Variants in EHD2 observed in about 807,000 individuals in gnomAD.
EHD2 encodes EH domain-containing protein 2.
A neutral mutation model predicts 41.0 loss-of-function variants in EHD2; 27 were observed. That is an observed-to-expected ratio of 0.66 (90% CI 0.49 to 0.91). EHD2 has a LOEUF of 0.91. EHD2 is among the 40% of genes least tolerant of loss of function. EHD2 has a pLI of 0.00. For synonymous variants in EHD2, 342 were observed against 341.0 expected (o/e 1.00, Z -0.03); for missense variants, 673 against 773.9 (o/e 0.87, Z 1.55).
intron 3 of EHD2, among the ~76,000 whole-genome samples, chr19:47,723,394 G>T (rs1008643150): frequency 3.9e-5 from 6 of 152,154 alleles, no homozygotes; most frequent in Non-Finnish European, 8.8e-5. Context: ...GGGCTCAGTG[G>T]CTCATGCCTG....
At position 47,720,660 on chromosome 19, in the gene EHD2, T is replaced by C. The variant is rs192750266; in HGVS notation, c.502+2054T>C. 2.7e-3 allele frequency among the ~76,000 whole-genome samples: 416 copies of C among 152,160 alleles called. 1 individual carries two copies. The highest frequency in any genetic ancestry group is 9.3e-3 in the African/African-American group (388 of 41,514). ...TAGTGTGTATCATTGTAGGTGTGAG[T>C]CTGACATTGTGTGCCTGTGTGTGAG... On this transcript the variant is annotated intron_variant, in intron 3 of 5. Transcript: ENST00000263277.
chr19:47,737,121 C>G (rs1966932265), intron 5 of EHD2, among the ~76,000 whole-genome samples: 1 of 151,552 alleles, frequency 6.6e-6, no homozygotes, highest in South Asian at 2.1e-4. Flanking sequence ...GTCCCAGCTA[C>G]TCGGGAGGCT....
In EHD2 at chr19:47,736,499, C is replaced by A. The variant is rs1343100709; in HGVS notation, c.1046C>A (p.Ser349Tyr). Residue 349 changes from serine to tyrosine, a missense_variant, in exon 5 of 6, where the codon TCC becomes TAC. By Grantham distance (144) the Ser-to-Tyr change is moderately radical (BLOSUM62 -2). Coordinates refer to ENST00000263277, the MANE Select transcript of EHD2 (RefSeq NM_014601.4). Reference protein sequence around the residue: ...FAKIQLEHHISPGDFPDCQKM... With the variant: ...FAKIQLEHHIYPGDFPDCQKM... ...AAGATTCAGCTGGAACATCACATCT[C>A]CCCTGGGGACTTTCCTGATTGCCAG... 1 of 1,604,178 alleles carries A rather than the reference C, an allele frequency of 6.2e-7. No individual in the cohort carries two copies. The highest frequency in any genetic ancestry group is 2.3e-5 in the East Asian group (1 of 44,026).
chr19:47,715,109 A>G (rs1973612506), intron 1 of EHD2, among the ~76,000 whole-genome samples: 2 of 152,086 alleles, frequency 1.3e-5, no homozygotes. Flanking sequence ...CAAAGCAGGG[A>G]TGATAATAGA....
rs1041431636 is a variant in EHD2 at position 47,719,969 on chromosome 19, T to TGTGA, written c.502+1364_502+1365insTGAG. On this transcript the variant is annotated intron_variant, in intron 3 of 5. Coordinates refer to ENST00000263277, the MANE Select transcript of EHD2 (RefSeq NM_014601.4). The surrounding 1 kb of genome is among the most constrained non-coding windows in gnomAD (Gnocchi z 4.1). ...ATATGTGTGTGTGTGTGTGTGTGTG[T>TGTGA]GACTTTGTGTATATCTTGGGAAAGT... is the stretch of plus-strand genomic sequence containing the variant. Among the ~76,000 whole-genome samples, 4 of 112,962 alleles carry TGTGA rather than the reference T, an allele frequency of 3.5e-5. No individual in the cohort carries two copies. The highest frequency in any genetic ancestry group is 5.3e-5 in the Non-Finnish European group (3 of 56,224). The allele number at this position is 112,962 out of a possible 152,430, so 74.1% of individuals were successfully genotyped here.
At position 47,718,574 on chromosome 19, in the gene EHD2, T is replaced by C. The variant is rs756403204; in HGVS notation, c.470T>C (p.Ile157Thr). Residue 157 changes from isoleucine (I) to threonine (T), a missense_variant, in exon 3 of 6, where the codon ATC (isoleucine) becomes ACC (threonine). Ile to Thr is a moderately conservative substitution (Grantham distance 89). Coordinates refer to ENST00000263277, the MANE Select transcript of EHD2 (RefSeq NM_014601.4). ...ESISIIDTPG[I>T]LSGAKQRVSR... Reference sequence around the variant, plus strand: ...ATCAGCATCATCGACACCCCGGGTATCCTGTCGGGTGCCAAGCAGAGAGTG... The same window carrying C: ...ATCAGCATCATCGACACCCCGGGTACCCTGTCGGGTGCCAAGCAGAGAGTG... 1.5e-5 allele frequency: 24 copies of C among 1,578,538 alleles called. No homozygotes were observed. The highest frequency in any genetic ancestry group is 2.0e-5 in the Non-Finnish European group (23 of 1,161,914).
intron 2 of EHD2, among the ~76,000 whole-genome samples, chr19:47,717,803 G>A (rs1250807450): frequency 1.3e-5 from 2 of 151,370 alleles, no homozygotes; most frequent in Non-Finnish European, 2.9e-5. Flanking sequence ...AGCTACTCGG[G>A]AGGCTGAGGC....
intron 4 of EHD2, among the ~76,000 whole-genome samples, chr19:47,730,103 GC>G (rs1400902822): frequency 6.6e-6 from 1 of 152,010 alleles, no homozygotes; most frequent in African/African-American, 2.4e-5. Context: ...TGGTGCCCCC[GC>G]CGGGCTGGGG....
At chr19:47,727,073 C>G (rs1346855798) in intron 4 of EHD2, among the ~76,000 whole-genome samples, 1 of 152,130 alleles carries the variant, frequency 6.6e-6, no homozygotes, top group African/African-American at 2.4e-5. Flanking sequence ...TTTCCAAGTT[C>G]ATTGGTTTAT....
intron 3 of EHD2, among the ~76,000 whole-genome samples, chr19:47,722,234 C>T (rs777005221): frequency 4.6e-5 from 7 of 152,124 alleles, no homozygotes; most frequent in African/African-American, 1.7e-4. Flanking sequence ...CTTTTTGCCA[C>T]GTCTCCCATC....
intron 1 of EHD2, among the ~76,000 whole-genome samples, chr19:47,715,078 T>TAAATAAAAAAAA (rs1208918213): frequency 1.4e-5 from 2 of 139,752 alleles, no homozygotes; most frequent in Middle Eastern, 3.7e-3. Flanking sequence ...AATAAATAAA[T>TAAATAAAAAAAA]AAAAAGAAAG....
At chr19:47,726,350 C>T (rs1973752660) in intron 4 of EHD2, 126 bp downstream of exon 4, 3 of 1,201,944 alleles carry the variant, frequency 2.5e-6, no homozygotes, top group Non-Finnish European at 3.3e-6. Flanking sequence ...TTGGGTCATT[C>T]TGGCACAGAG....
At chr19:47,726,708 G>A (rs543104182) in intron 4 of EHD2, among the ~76,000 whole-genome samples, 1 of 151,200 alleles carries the variant, frequency 6.6e-6, no homozygotes, top group South Asian at 2.1e-4. Flanking sequence ...ATGGAGTCTC[G>A]CTCTCTTGCC....
At chr19:47,740,778 C>T (rs1463864294) in intron 5 of EHD2, 103 bp from the exon 6 acceptor site, 6 of 1,230,510 alleles carry the variant, frequency 4.9e-6, no homozygotes, top group Non-Finnish European at 6.6e-6. Flanking sequence ...AACCCCACAA[C>T]AGCTACCCCC....
chr19:47,742,002 C>T lies in EHD2; in HGVS notation c.*570C>T, dbSNP rs1041953100. On this transcript the variant is annotated 3_prime_UTR_variant, in exon 6 of 6. Transcript: ENST00000263277. The stretch of plus-strand genomic sequence containing the variant: ...CACCCTCAACCGGCTCCATCACATC[C>T]TCAGGTCTCGGGACCATGGGGGGCT... 1.5e-5 allele frequency: 7 copies of T among 454,758 alleles called. No individual in the cohort carries two copies. The highest frequency in any genetic ancestry group is 2.7e-5 in the Non-Finnish European group (6 of 226,374). The allele number at this position is 454,758 out of a possible 1,614,324, so 28.2% of individuals were successfully genotyped here.
At chr19:47,721,205 TCATGTGTGTGGCTGCCTCTG>T (rs1973693131) in intron 3 of EHD2, among the ~76,000 whole-genome samples, 1 of 151,496 alleles carries the variant, frequency 6.6e-6, no homozygotes, top group Admixed American at 6.6e-5. Context: ...GTATGCGAGC[TCATGTGTGTGGCTGCCTCTG>T]CATGTAAGAT....
chr19:47,722,538 G>A (rs1599890376), intron 3 of EHD2, among the ~76,000 whole-genome samples: 1 of 151,826 alleles, frequency 6.6e-6, no homozygotes, highest in Non-Finnish European at 1.5e-5. Context: ...TCTTACCTGT[G>A]TGTCTTGAGT....
intron 1 of EHD2, among the ~76,000 whole-genome samples, chr19:47,715,526 G>T (rs923337204): frequency 2.0e-5 from 3 of 152,090 alleles, no homozygotes; most frequent in Non-Finnish European, 4.4e-5. Flanking sequence ...GGGTGGGTAG[G>T]GGATGATCTC....
At chr19:47,722,790 A>G (rs1973711091) in intron 3 of EHD2, among the ~76,000 whole-genome samples, 1 of 150,938 alleles carries the variant, frequency 6.6e-6, no homozygotes, top group Non-Finnish European at 1.5e-5. Context: ...CTGGTCTCGA[A>G]CTCCTGACCT....
Sources: gnomAD v4.1 joint callset for allele counts (sites outside exome capture counted in the v4.1 genomes callset) on GRCh38, gnomAD v4.1.1 for gene constraint, Gnocchi (gnomAD v3.1) non-coding constraint, MANE v1.5 for transcripts, NCBI Gene and HGNC (gene_info 2026-07-23, HGNC 2026-07-21) for gene names.